NKAIN2: variants seen among roughly 807,000 people sequenced by gnomAD.
The protein encoded by NKAIN2 is sodium/potassium-transporting ATPase subunit beta-1-interacting protein 2.
Under a neutral mutation model 32.6 loss-of-function variants are expected in NKAIN2, and 14 were observed. That is an observed-to-expected ratio of 0.43 (90% confidence interval 0.28 to 0.67). The LOEUF (loss-of-function observed/expected upper bound fraction) is 0.67, where lower values mean the gene tolerates loss of function less well. Ranked by LOEUF, NKAIN2 falls within the 30% of genes least tolerant of loss-of-function variation. The probability of loss-of-function intolerance (pLI) is 0.17; values close to 1 mark genes in which losing one functional copy is unlikely to be tolerated. For synonymous variants in NKAIN2, 80 were observed against 87.2 expected (o/e 0.92, Z 0.46); for missense variants, 198 against 258.3 (o/e 0.77, Z 1.60).
At chr6:124,484,575 CAATTT>C (rs1439113715) in intron 3 of NKAIN2, among the ~76,000 whole-genome samples, 1 of 152,092 alleles carries the variant, frequency 6.6e-6, no homozygotes, top group Non-Finnish European at 1.5e-5. Context: ...GTAATTATGA[CAATTT>C]AATTTCTGGT....
chr6:124,701,610 T>C (rs573280532), intron 4 of NKAIN2, among the ~76,000 whole-genome samples: 1 of 152,194 alleles, frequency 6.6e-6, no homozygotes, highest in Non-Finnish European at 1.5e-5. Flanking sequence ...ATATAATAAT[T>C]GTTTCTCAGG....
chr6:124,032,948 T>TA (rs1055885661), intron 1 of NKAIN2, among the ~76,000 whole-genome samples: 5 of 151,318 alleles, frequency 3.3e-5, no homozygotes, highest in African/African-American at 7.3e-5. Context: ...TTTTGTTCTT[T>TA]AAAAAAAAAT....
At chr6:124,451,929 C>T (rs1776124180) in intron 3 of NKAIN2, among the ~76,000 whole-genome samples, 1 of 151,962 alleles carries the variant, frequency 6.6e-6, no homozygotes, top group Non-Finnish European at 1.5e-5. Context: ...CATGGTGGCT[C>T]AAAGCCTGTA....
intron 1 of NKAIN2, among the ~76,000 whole-genome samples, chr6:123,809,735 A>G (rs1482582440): frequency 1.3e-5 from 2 of 152,168 alleles, no homozygotes; most frequent in African/African-American, 4.8e-5. Context: ...TCCTTGAATT[A>G]TAAAACAGGC....
intron 1 of NKAIN2, among the ~76,000 whole-genome samples, chr6:124,227,461 A>G (rs1053481681): frequency 4.2e-4 from 64 of 152,130 alleles, no homozygotes; most frequent in African/African-American, 1.5e-3. Flanking sequence ...TAAGCTTTGT[A>G]TTTTATCTTT....
chr6:124,657,282 T>C (rs1271364153), intron 3 of NKAIN2, among the ~76,000 whole-genome samples: 1 of 152,198 alleles, frequency 6.6e-6, no homozygotes, highest in Non-Finnish European at 1.5e-5. Context: ...TTCCCATAAC[T>C]GACCTTTTTT....
chr6:124,350,433 TAAAA>T (rs1013547834), intron 2 of NKAIN2, among the ~76,000 whole-genome samples: 8 of 151,748 alleles, frequency 5.3e-5, no homozygotes, highest in African/African-American at 1.9e-4. Flanking sequence ...TAGAAAAGAA[TAAAA>T]AAAGAAAATA....
At chr6:124,071,860 C>T (rs755093030) in intron 1 of NKAIN2, among the ~76,000 whole-genome samples, 1 of 152,096 alleles carries the variant, frequency 6.6e-6, no homozygotes, top group Non-Finnish European at 1.5e-5. Flanking sequence ...AAAGAAAACA[C>T]ATATACATTA....
chr6:123,924,563 GC>G (rs1562260603), intron 1 of NKAIN2, among the ~76,000 whole-genome samples: 1 of 151,960 alleles, frequency 6.6e-6, no homozygotes, highest in East Asian at 1.9e-4. Context: ...AGAATTTATG[GC>G]CCATGGACTT....
intron 1 of NKAIN2, among the ~76,000 whole-genome samples, chr6:124,211,290 G>A (rs997670989): frequency 6.6e-6 from 1 of 151,754 alleles, no homozygotes; most frequent in Non-Finnish European, 1.5e-5. Flanking sequence ...TCCCTCATGA[G>A]CAATATATTT....
chr6:124,753,908 A>G (rs2114717516), intron 4 of NKAIN2, among the ~76,000 whole-genome samples: 1 of 152,254 alleles, frequency 6.6e-6, no homozygotes, highest in African/African-American at 2.4e-5. Flanking sequence ...CTTTTGTTTG[A>G]GTGATTCAAA....
intron 3 of NKAIN2, among the ~76,000 whole-genome samples, chr6:124,390,529 T>C (rs1773096717): frequency 1.3e-5 from 2 of 152,120 alleles, no homozygotes; most frequent in South Asian, 4.1e-4. Context: ...AGATTTGTAA[T>C]ACAGAAAAAT....
intron 5 of NKAIN2, among the ~76,000 whole-genome samples, chr6:124,813,799 A>G (rs554995917): frequency 6.6e-6 from 1 of 152,276 alleles, no homozygotes; most frequent in South Asian, 2.1e-4. Context: ...TTAAGGATAT[A>G]AGGAGATTCT....
At chr6:124,761,920 C>A (rs1778283606) in intron 4 of NKAIN2, among the ~76,000 whole-genome samples, 2 of 152,088 alleles carry the variant, frequency 1.3e-5, no homozygotes, top group Non-Finnish European at 2.9e-5. Flanking sequence ...GATGTATACC[C>A]CATAATCTCA....
intron 2 of NKAIN2, among the ~76,000 whole-genome samples, chr6:124,312,163 C>T (rs927520642): frequency 2.0e-5 from 3 of 152,144 alleles, no homozygotes; most frequent in African/African-American, 4.8e-5. Context: ...CCTTCTGTGT[C>T]AGTGTGAGTG....
intron 3 of NKAIN2, among the ~76,000 whole-genome samples, chr6:124,596,882 T>A (rs1020554696): frequency 6.6e-6 from 1 of 152,036 alleles, no homozygotes; most frequent in Non-Finnish European, 1.5e-5. Context: ...CCAGTACAAA[T>A]GTCCAAAGGC....
chr6:124,611,099 C>T (rs781475), intron 3 of NKAIN2, among the ~76,000 whole-genome samples: 144,275 of 152,216 alleles, frequency 0.95, 68,883 homozygotes, highest in East Asian at 1. Flanking sequence ...TTTCCTCTGA[C>T]TTTTTTAACT....
At chr6:124,306,012 T>TTTTA (rs1796493764) in intron 2 of NKAIN2, among the ~76,000 whole-genome samples, 1 of 152,182 alleles carries the variant, frequency 6.6e-6, no homozygotes, top group African/African-American at 2.4e-5. Context: ...TAGATGATTC[T>TTTTA]TGTCATCACC....
intron 4 of NKAIN2, among the ~76,000 whole-genome samples, chr6:124,747,524 A>G (rs957754771): frequency 2.6e-5 from 4 of 151,888 alleles, no homozygotes; most frequent in Non-Finnish European, 5.9e-5. Context: ...TGTGAAGGAG[A>G]GAAGTTATGC....
Sources: allele counts gnomAD v4.1 joint callset (sites outside exome capture counted in the v4.1 genomes callset), GRCh38; gene constraint gnomAD v4.1.1; transcripts MANE v1.5; gene names NCBI Gene and HGNC (gene_info 2026-07-23, HGNC 2026-07-21).